ATRNL1: variants seen among roughly 807,000 people sequenced by gnomAD.
The protein encoded by ATRNL1 is attractin-like protein 1.
Under a neutral mutation model 182.7 loss-of-function variants are expected in ATRNL1, and 95 were observed. The observed-to-expected ratio is 0.52, with a 90% CI of 0.44 to 0.62. ATRNL1 has a LOEUF of 0.62. Ranked by LOEUF, ATRNL1 falls within the 20% of genes least tolerant of loss-of-function variation. The pLI is 0.00. For missense variants in ATRNL1, 1,471 were observed against 1,679.5 expected, an observed-to-expected ratio of 0.88 and a Z score of 2.17; for synonymous variants, 576 against 568.3, an observed-to-expected ratio of 1.01 and a Z score of -0.19.
At chr10:115,373,463 A>C (rs1383523382) in intron 19 of ATRNL1, among the ~76,000 whole-genome samples, 1 of 151,876 alleles carries the variant, frequency 6.6e-6, no homozygotes, top group African/African-American at 2.4e-5. Flanking sequence ...AATGCTTTTG[A>C]CTTTTCACTA....
chr10:115,769,481 G>A (rs990331321), intron 27 of ATRNL1, among the ~76,000 whole-genome samples: 1 of 152,038 alleles, frequency 6.6e-6, no homozygotes, highest in Non-Finnish European at 1.5e-5. Context: ...CATTTCATCC[G>A]TAACATGAAT....
rs138610965 is a variant in ATRNL1, at chr10:115,317,011, T to C, written c.3037+1275T>C. ...GCCCATGCCTATGTCCTAAATGTTA[T>C]TGCCTAGGTTTTCTTCTAGGGTTTT... On this transcript the variant is annotated intron_variant, in intron 18 of 28. Coordinates refer to ENST00000355044, the MANE Select transcript of ATRNL1 (RefSeq NM_207303.4). 5.0e-3 allele frequency among the ~76,000 whole-genome samples: 765 copies of C among 152,304 alleles called. 4 individuals carry two copies. Among genetic ancestry groups the C allele is most frequent in the African/African-American group, 0.016 (676 of 41,560 alleles).
chr10:115,452,126 C>G (rs750638274), intron 21 of ATRNL1, among the ~76,000 whole-genome samples: 1 of 151,916 alleles, frequency 6.6e-6, no homozygotes, highest in Non-Finnish European at 1.5e-5. Context: ...GAATGGGAAG[C>G]GGGAGAGACA....
At chr10:115,431,081 A>G (rs908860053) in intron 21 of ATRNL1, among the ~76,000 whole-genome samples, 1 of 152,080 alleles carries the variant, frequency 6.6e-6, no homozygotes, top group Non-Finnish European at 1.5e-5. Flanking sequence ...CTGACGCTCA[A>G]TGTTTAGATT....
intron 19 of ATRNL1, among the ~76,000 whole-genome samples, chr10:115,362,627 G>C (rs1228809523): frequency 6.6e-6 from 1 of 151,450 alleles, no homozygotes; most frequent in Non-Finnish European, 1.5e-5. Flanking sequence ...CCACTAACTC[G>C]TCATCTAGCA....
At chr10:115,689,856 A>G (rs1196947371) in intron 26 of ATRNL1, among the ~76,000 whole-genome samples, 1 of 152,194 alleles carries the variant, frequency 6.6e-6, no homozygotes, top group Non-Finnish European at 1.5e-5. Context: ...GGGCCACACC[A>G]TCAGTGGGGG....
At chr10:115,099,384 C>T (rs748065193) in intron 1 of ATRNL1, among the ~76,000 whole-genome samples, 1 of 152,142 alleles carries the variant, frequency 6.6e-6, no homozygotes, top group Non-Finnish European at 1.5e-5. Context: ...AAAGCTGCTA[C>T]GAAGTTTCAT....
intron 14 of ATRNL1, among the ~76,000 whole-genome samples, chr10:115,282,325 G>C (rs534492285): frequency 1.9e-3 from 289 of 150,274 alleles, no homozygotes; most frequent in African/African-American, 6.7e-3. Flanking sequence ...AGTTACATAT[G>C]TATACATGTG....
At chr10:115,337,063 A>G (rs1007995253) in intron 19 of ATRNL1, among the ~76,000 whole-genome samples, 2 of 147,366 alleles carry the variant, frequency 1.4e-5, no homozygotes, top group Non-Finnish European at 3.0e-5. Context: ...GAGTTTCACT[A>G]TGTTGGCCAG....
chr10:115,741,400 C>T (rs529935833), intron 27 of ATRNL1, among the ~76,000 whole-genome samples: 6 of 151,982 alleles, frequency 3.9e-5, no homozygotes, highest in Admixed American at 1.3e-4. Context: ...GAGCGAGGGA[C>T]GGAGACAGAA....
chr10:115,233,320 C>A (rs1281213971), intron 9 of ATRNL1, among the ~76,000 whole-genome samples: 3 of 152,096 alleles, frequency 2.0e-5, no homozygotes, highest in Non-Finnish European at 4.4e-5. Flanking sequence ...AGTACAATAT[C>A]TTTTAATTTC....
chr10:115,639,520 A>G (rs549606786), intron 26 of ATRNL1, among the ~76,000 whole-genome samples: 15 of 152,322 alleles, frequency 9.8e-5, no homozygotes, highest in African/African-American at 3.1e-4. Context: ...GTATAATCCT[A>G]TCTGATACTC....
chr10:115,871,864 A>G (rs1484767843), intron 28 of ATRNL1, among the ~76,000 whole-genome samples: 1 of 152,170 alleles, frequency 6.6e-6, no homozygotes, highest in Admixed American at 6.5e-5. Context: ...GTTGTTTTCA[A>G]TATTATGCCA....
intron 9 of ATRNL1, among the ~76,000 whole-genome samples, chr10:115,229,334 G>A (rs370660690): frequency 2.6e-5 from 4 of 151,790 alleles, no homozygotes; most frequent in East Asian, 3.9e-4. Flanking sequence ...TTTCCTGTCC[G>A]AGGTTTTGGA....
intron 21 of ATRNL1, among the ~76,000 whole-genome samples, chr10:115,432,145 T>C (rs1364445843): frequency 6.6e-6 from 1 of 152,160 alleles, no homozygotes; most frequent in African/African-American, 2.4e-5. Flanking sequence ...CATCTAAAAT[T>C]TTTTCATTTT....
chr10:115,641,231 T>C (rs1859226971), intron 26 of ATRNL1, among the ~76,000 whole-genome samples: 1 of 152,344 alleles, frequency 6.6e-6, no homozygotes, highest in African/African-American at 2.4e-5. Context: ...ATATTAAAGC[T>C]TTTAAAATTC....
At chr10:115,311,191 T>TG (rs1854005964) in intron 17 of ATRNL1, among the ~76,000 whole-genome samples, 1 of 148,332 alleles carries the variant, frequency 6.7e-6, no homozygotes, top group African/African-American at 2.5e-5. Context: ...TGATTTAGAT[T>TG]TTTTTTTTTT....
chr10:115,854,273 A>G (rs1017240620), intron 28 of ATRNL1, among the ~76,000 whole-genome samples: 1 of 152,196 alleles, frequency 6.6e-6, no homozygotes, highest in Non-Finnish European at 1.5e-5. Context: ...CAATTCTCGC[A>G]TCTCTGTAGT....
chr10:115,274,221 A>G (rs1044870962), intron 13 of ATRNL1, among the ~76,000 whole-genome samples: 4 of 152,174 alleles, frequency 2.6e-5, no homozygotes, highest in Non-Finnish European at 5.9e-5. Context: ...GAGCTTGTAT[A>G]GTACTCTGGA....
Sources: gnomAD v4.1 joint callset for allele counts (sites outside exome capture counted in the v4.1 genomes callset) on GRCh38, gnomAD v4.1.1 for gene constraint, MANE v1.5 for transcripts, NCBI Gene and HGNC (gene_info 2026-07-23, HGNC 2026-07-21) for gene names.